GPR55: variants seen among roughly 807,000 people sequenced by gnomAD.
GPR55 encodes G-protein coupled receptor 55.
A neutral mutation model predicts 7.9 loss-of-function variants in GPR55; 6 were observed. The observed-to-expected ratio is 0.76, with a 90% CI of 0.41 to 1.49. The LOEUF (loss-of-function observed/expected upper bound fraction) is 1.49, where lower values mean the gene tolerates loss of function less well. Among genes scored for constraint, GPR55 ranks in the 40% most tolerant of loss-of-function variants. The pLI, the probability that GPR55 is intolerant of heterozygous loss-of-function variation, is 0.01. For missense variants in GPR55, 376 were observed against 406.0 expected (o/e 0.93, Z 0.63); for synonymous variants, 183 against 166.8 (o/e 1.10, Z -0.75).
chr2:230,953,083 G>A (rs1350563152), intron 1 of GPR55, among the ~76,000 whole-genome samples: 2 of 152,176 alleles, frequency 1.3e-5, no homozygotes, highest in African/African-American at 4.8e-5. Context: ...AGAAAAGCTA[G>A]TTCCCAGGTG....
At chr2:230,911,529 C>T (rs1690592749) in intron 1 of GPR55, among the ~76,000 whole-genome samples, 1 of 152,208 alleles carries the variant, frequency 6.6e-6, no homozygotes, top group Admixed American at 6.5e-5. Flanking sequence ...TTCCCCTGGA[C>T]ACAGTAGCTG....
At chr2:230,957,621 C>T (rs1559182008) in intron 1 of GPR55, 1 of 473,488 alleles carries the variant, frequency 2.1e-6, no homozygotes, top group Non-Finnish European at 4.3e-6. Flanking sequence ...CCCGGCGAGC[C>T]CGCGAAGGGG....
chr2:230,952,162 C>T (rs188985507), intron 1 of GPR55, among the ~76,000 whole-genome samples: 1 of 152,268 alleles, frequency 6.6e-6, no homozygotes, highest in East Asian at 1.9e-4. Context: ...GTGGGCAAAC[C>T]CTCCTGCAGG....
At chr2:230,917,041 G>A (rs28432992) in intron 1 of GPR55, among the ~76,000 whole-genome samples, 2 of 152,164 alleles carry the variant, frequency 1.3e-5, no homozygotes, top group Admixed American at 1.3e-4. Context: ...GAAAGACAGG[G>A]AGGCAATATT....
chr2:230,918,822 T>G (rs1690772141), intron 1 of GPR55, among the ~76,000 whole-genome samples: 3 of 152,148 alleles, frequency 2.0e-5, no homozygotes. Context: ...GTATAAATAG[T>G]TTTTTGAGTT....
At chr2:230,949,393 A>G (rs908840539) in intron 1 of GPR55, among the ~76,000 whole-genome samples, 20 of 152,170 alleles carry the variant, frequency 1.3e-4, no homozygotes, top group Non-Finnish European at 4.4e-5. Context: ...CGAACTCCTG[A>G]ACTTGCGATC....
At chr2:230,941,706 A>G (rs1691236904) in intron 1 of GPR55, among the ~76,000 whole-genome samples, 1 of 151,878 alleles carries the variant, frequency 6.6e-6, no homozygotes. Flanking sequence ...CTCAGGTTGA[A>G]CGTCACTCCC....
At chr2:230,943,341 T>C (rs1691262944) in intron 1 of GPR55, among the ~76,000 whole-genome samples, 1 of 152,126 alleles carries the variant, frequency 6.6e-6, no homozygotes, top group Admixed American at 6.5e-5. Context: ...CAGCCCCTCC[T>C]TCCTGTGCAC....
At chr2:230,937,946 G>A (rs1236362327) in intron 1 of GPR55, among the ~76,000 whole-genome samples, 16 of 151,934 alleles carry the variant, frequency 1.1e-4, no homozygotes, top group Admixed American at 1.1e-3. Flanking sequence ...CTTGAGCTCA[G>A]GAGTTTGAGA....
At chr2:230,951,883 T>A (rs992285925) in intron 1 of GPR55, among the ~76,000 whole-genome samples, 4 of 151,716 alleles carry the variant, frequency 2.6e-5, no homozygotes, top group African/African-American at 9.7e-5. Flanking sequence ...CTCAGCCTCC[T>A]GAGCAGCTGG....
intron 1 of GPR55, among the ~76,000 whole-genome samples, chr2:230,920,877 C>T (rs1247424657): frequency 6.6e-6 from 1 of 151,988 alleles, no homozygotes; most frequent in Non-Finnish European, 1.5e-5. Flanking sequence ...ATTGTTAATA[C>T]TCCCTATATT....
In GPR55 at chr2:230,947,904, A is replaced by T. The variant is rs111599948; in HGVS notation, c.-135+12871T>A. 9.3e-3 allele frequency among the ~76,000 whole-genome samples: 1,407 copies of T among 152,098 alleles called. 14 individuals are homozygous for T. The highest frequency in any genetic ancestry group is 0.013 in the Non-Finnish European group (889 of 67,974). ...ACCCAGCTACAGCGAGGCTTCCTAA[A>T]ATACAAATCTGGCCCTGTCCTACCT... On this transcript the variant is annotated intron_variant, in intron 1 of 1. Coordinates refer to the GPR55 transcript ENST00000392039.
chr2:230,932,512 T>C (rs1377369503), intron 1 of GPR55, among the ~76,000 whole-genome samples: 1 of 122,180 alleles, frequency 8.2e-6, no homozygotes, highest in African/African-American at 3.1e-5. Flanking sequence ...TTCATTAAAA[T>C]AGTTGGATCT....
At chr2:230,937,629 C>T (rs546857103) in intron 1 of GPR55, among the ~76,000 whole-genome samples, 2 of 151,546 alleles carry the variant, frequency 1.3e-5, no homozygotes, top group South Asian at 4.2e-4. Flanking sequence ...CATTTATTTC[C>T]AACAGTCACC....
rs558855001 is a variant in GPR55, at chr2:230,948,217, G to A, written c.-135+12558C>T. Reference sequence around the variant, plus strand: ...ACAGCTGCTTAGGAGAGCTTTCTCAGTCAGCACTGAAAGGGAACTTAGAAC... The same window carrying A: ...ACAGCTGCTTAGGAGAGCTTTCTCAATCAGCACTGAAAGGGAACTTAGAAC... On this transcript the variant is annotated intron_variant, in intron 1 of 1. Transcript: ENST00000392039. Among the ~76,000 whole-genome samples the A allele has an allele frequency of 9.2e-5, 14 of 151,962 alleles. 1 individual carries two copies. The South Asian group carries it at 2.9e-3, about 32-fold the overall frequency.
intron 1 of GPR55, among the ~76,000 whole-genome samples, chr2:230,933,138 G>C (rs1438148): frequency 6.6e-6 from 1 of 151,454 alleles, no homozygotes; most frequent in South Asian, 2.1e-4. Flanking sequence ...GTGCCCTGTC[G>C]CCTCCTGTGG....
chr2:230,955,484 C>T (rs1221644486), intron 1 of GPR55, among the ~76,000 whole-genome samples: 1 of 152,206 alleles, frequency 6.6e-6, no homozygotes, highest in African/African-American at 2.4e-5. Context: ...CTTTTCTCAC[C>T]TTACATTCTC....
At chr2:230,922,999 C>T (rs755684165) in intron 1 of GPR55, among the ~76,000 whole-genome samples, 51 of 152,308 alleles carry the variant, frequency 3.3e-4, no homozygotes, top group Non-Finnish European at 5.6e-4. Flanking sequence ...CCCGAGCACC[C>T]GGCCTGTGCT....
At chr2:230,948,425 A>AAAT (rs1019688509) in intron 1 of GPR55, among the ~76,000 whole-genome samples, 2 of 152,152 alleles carry the variant, frequency 1.3e-5, no homozygotes, top group African/African-American at 4.8e-5. Context: ...ACTAATTGCA[A>AAAT]AATAATAATA....
Sources: gnomAD v4.1 joint callset for allele counts (sites outside exome capture counted in the v4.1 genomes callset) on GRCh38, gnomAD v4.1.1 for gene constraint, MANE v1.5 for transcripts, NCBI Gene and HGNC (gene_info 2026-07-23, HGNC 2026-07-21) for gene names.